The following COX7B2 variants were observed in gnomAD, a reference collection of about 807,000 sequenced individuals.
The protein encoded by COX7B2 is cytochrome c oxidase subunit 7B2, also known as cytochrome c oxidase subunit 7B2, mitochondrial.
For missense variants in COX7B2, 109 were observed against 95.9 expected, an observed-to-expected ratio of 1.14 and a Z score of -0.57; for synonymous variants, 37 against 32.1, an observed-to-expected ratio of 1.15 and a Z score of -0.51.
At chr4:46,785,222 C>T (rs912386225) in intron 2 of COX7B2, among the ~76,000 whole-genome samples, 2 of 152,146 alleles carry the variant, frequency 1.3e-5, no homozygotes, top group Admixed American at 6.5e-5. Context: ...GAATATTGAG[C>T]AGATGAGAAC....
At chr4:46,745,380 A>G (rs1310184384) in intron 2 of COX7B2, among the ~76,000 whole-genome samples, 3 of 152,240 alleles carry the variant, frequency 2.0e-5, no homozygotes, top group South Asian at 2.1e-4. Flanking sequence ...AGAAGAACAC[A>G]TAACAGCATT....
chr4:46,742,043 C>A (rs1357378076), intron 2 of COX7B2, among the ~76,000 whole-genome samples: 1 of 151,996 alleles, frequency 6.6e-6, no homozygotes, highest in African/African-American at 2.4e-5. Context: ...TGAAAGAGTA[C>A]AATAGTAATT....
At chr4:46,859,378 T>C (rs149346207) in intron 1 of COX7B2, among the ~76,000 whole-genome samples, 141 of 152,328 alleles carry the variant, frequency 9.3e-4, no homozygotes, top group African/African-American at 3.1e-3. Flanking sequence ...AGGGGTCAGA[T>C]ACCTATTTTC....
intron 1 of COX7B2, among the ~76,000 whole-genome samples, chr4:46,855,625 A>G (rs1716962531): frequency 6.6e-6 from 1 of 152,068 alleles, no homozygotes; most frequent in East Asian, 1.9e-4. Flanking sequence ...CAGATTGACA[A>G]AAAAAACTAA....
rs113009144 is a variant in COX7B2 at position 46,866,669 on chromosome 4, C to T, written c.-104-21655G>A. 5.4e-3 allele frequency among the ~76,000 whole-genome samples: 829 copies of T among 152,202 alleles called. 6 individuals carry two copies. The highest frequency in any genetic ancestry group is 0.019 in the African/African-American group (769 of 41,526). ...CCTGAGACAACCCTAAGGAATTAGACTCAAACCCCAGAATCATTGGCCACC... is the reference window on the plus strand; with the variant it reads ...CCTGAGACAACCCTAAGGAATTAGATTCAAACCCCAGAATCATTGGCCACC... On this transcript the variant is annotated intron_variant, in intron 1 of 2. Transcript: ENST00000355591.
At position 46,852,720 on chromosome 4, in the gene COX7B2, A is replaced by C. The variant is rs114989375; in HGVS notation, c.-104-7706T>G. ...ATTCTCAGACCTGGGCAGAATATGA[A>C]AAATCTGAGTCACCCAATGCACATT... On this transcript the variant is annotated intron_variant, in intron 1 of 2. Coordinates refer to ENST00000355591, the MANE Select transcript of COX7B2 (RefSeq NM_130902.3). 7.8e-3 allele frequency among the ~76,000 whole-genome samples: 1,189 copies of C among 152,276 alleles called. 19 individuals carry two copies. Among genetic ancestry groups the C allele is most frequent in the African/African-American group, 0.028 (1,144 of 41,562 alleles).
intron 1 of COX7B2, among the ~76,000 whole-genome samples, chr4:46,905,486 T>C (rs1258567741): frequency 6.6e-6 from 1 of 152,158 alleles, no homozygotes; most frequent in Admixed American, 6.6e-5. Context: ...GTCATTTATG[T>C]GAGTAACACA....
At chr4:46,849,601 A>G (rs1031067312) in intron 1 of COX7B2, among the ~76,000 whole-genome samples, 16 of 152,130 alleles carry the variant, frequency 1.1e-4, no homozygotes, top group African/African-American at 3.9e-4. Flanking sequence ...ATGCTGTTAG[A>G]TAAGCATGTA....
intron 1 of COX7B2, among the ~76,000 whole-genome samples, chr4:46,846,713 T>C (rs546756022): frequency 6.6e-6 from 1 of 152,178 alleles, no homozygotes; most frequent in South Asian, 2.1e-4. Context: ...CCAGATGGTG[T>C]AGCTTTTACT....
chr4:46,889,332 T>C (rs1719279394), intron 1 of COX7B2, among the ~76,000 whole-genome samples: 1 of 152,200 alleles, frequency 6.6e-6, no homozygotes, highest in Admixed American at 6.5e-5. Context: ...ATTCCCTGGA[T>C]GTAGGAACTG....
chr4:46,738,559 T>C (rs368497476), intron 2 of COX7B2, among the ~76,000 whole-genome samples: 2 of 152,206 alleles, frequency 1.3e-5, no homozygotes, highest in East Asian at 3.9e-4. Context: ...ATAAAATACA[T>C]GTAAAAGCTA....
chr4:46,793,476 G>A (rs371455347), intron 2 of COX7B2, among the ~76,000 whole-genome samples: 16 of 152,288 alleles, frequency 1.1e-4, no homozygotes, highest in South Asian at 2.1e-4. Flanking sequence ...CCAAGATGGC[G>A]ATGCTCCTGC....
chr4:46,875,157 T>A (rs1163875406), intron 1 of COX7B2, among the ~76,000 whole-genome samples: 1 of 152,228 alleles, frequency 6.6e-6, no homozygotes, highest in African/African-American at 2.4e-5. Context: ...ACCAGTTCTT[T>A]GTAATTTTTC....
In COX7B2 at chr4:46,894,809, TA is replaced by T. The variant is rs137952207; in HGVS notation, c.-105+14350del. Among the ~76,000 whole-genome samples the T allele has an allele frequency of 6.9e-3, 1,057 of 152,118 alleles. 16 individuals are homozygous for T. Among genetic ancestry groups the T allele is most frequent in the African/African-American group, 0.024 (1,010 of 41,500 alleles). ...ATGTACAAGCAAAAAACAACCCCAT[TA>T]AAAAGTGGGTAAAAGACATAATCAC... is the stretch of plus-strand genomic sequence containing the variant. On this transcript the variant is annotated intron_variant, in intron 1 of 2. Coordinates refer to ENST00000355591, the MANE Select transcript of COX7B2 (RefSeq NM_130902.3).
chr4:46,747,670 C>T (rs187920900), intron 2 of COX7B2, among the ~76,000 whole-genome samples: 135 of 152,232 alleles, frequency 8.9e-4, no homozygotes, highest in Non-Finnish European at 1.4e-3. Flanking sequence ...AAACACTTCT[C>T]CTTTAAAGGT....
intron 2 of COX7B2, among the ~76,000 whole-genome samples, chr4:46,828,103 A>G (rs955729718): frequency 3.3e-5 from 5 of 152,172 alleles, no homozygotes; most frequent in African/African-American, 4.8e-5. Flanking sequence ...TACCTTAATA[A>G]ATTTGATTTA....
intron 2 of COX7B2, among the ~76,000 whole-genome samples, chr4:46,763,025 A>G (rs942041916): frequency 8.6e-5 from 11 of 127,400 alleles, no homozygotes; most frequent in Admixed American, 8.0e-4. Context: ...AATATATAAT[A>G]TAATATAATA....
intron 2 of COX7B2, among the ~76,000 whole-genome samples, chr4:46,800,610 G>T (rs774299968): frequency 2.0e-5 from 3 of 152,062 alleles, no homozygotes; most frequent in Non-Finnish European, 2.9e-5. Flanking sequence ...AATTCAAGAT[G>T]AATTAAAAAC....
At chr4:46,839,006 C>T (rs1166610686) in intron 2 of COX7B2, among the ~76,000 whole-genome samples, 1 of 151,862 alleles carries the variant, frequency 6.6e-6, no homozygotes, top group Non-Finnish European at 1.5e-5. Context: ...TTCAAAACAT[C>T]AACTCATTAT....
Sources: allele counts gnomAD v4.1 joint callset (sites outside exome capture counted in the v4.1 genomes callset), GRCh38; gene constraint gnomAD v4.1.1; transcripts MANE v1.5; gene names NCBI Gene and HGNC (gene_info 2026-07-23, HGNC 2026-07-21).